Variants in TUBAL3 observed in about 807,000 individuals in gnomAD.
TUBAL3 encodes the protein tubulin alpha chain-like 3.
A neutral mutation model predicts 15.5 loss-of-function variants in TUBAL3; 16 were observed. That is an observed-to-expected ratio of 1.04 (90% CI 0.70 to 1.57). TUBAL3 has a LOEUF of 1.57. Ranked by LOEUF, TUBAL3 falls within the 40% of genes most tolerant of loss-of-function variation. The pLI, the probability that TUBAL3 is intolerant of heterozygous loss-of-function variation, is 0.00. For missense variants in TUBAL3, 609 were observed against 576.2 expected (o/e 1.06, Z -0.58); for synonymous variants, 238 against 224.3 (o/e 1.06, Z -0.55).
chr10:5,403,854 T>TAAATTCAA (rs1400553758), intron 1 of TUBAL3, among the ~76,000 whole-genome samples: 1 of 152,232 alleles, frequency 6.6e-6, no homozygotes, highest in African/African-American at 2.4e-5. Flanking sequence ...TAAACGCTGC[T>TAAATTCAA]ATAAGGATTA....
chr10:5,395,182 C>A lies in TUBAL3; in HGVS notation c.396+145G>T. ...GGAAATCAAAGCCAAGATGAGAACC[C>A]CTCCCCAGTTCTGAGCACCCAGACC... On this transcript the variant is annotated intron_variant, in intron 3 of 3. Transcript: ENST00000380419. This position sits in a 1 kb window ranked among gnomAD's most constrained non-coding sequence, Gnocchi z 4.6. 1 of 827,416 alleles carries A rather than the reference C, an allele frequency of 1.2e-6. No homozygotes were observed. 51.3% of individuals were successfully genotyped at this position (827,416 alleles called of 1,614,324 possible).
rs1554814581 is a variant in TUBAL3, at chr10:5,400,933, T to C, written c.158A>G (p.Asn53Ser). Residue 53 changes from asparagine (N) to serine (S), a missense_variant, in exon 2 of 4, where the codon AAT becomes AGT. Physicochemically the swap from Asn to Ser is conservative, Grantham distance 46. Transcript: ENST00000380419. The part of the protein sequence containing the change: ...QLENAKMEHT[N>S]ASFDTFFCET... ...ACAGAAGAAGGTATCGAAAGATGCA[T>C]TTGTGTGCTCCATTTTTGCATTTTC... is the stretch of plus-strand genomic sequence containing the variant. 1 of 1,614,232 alleles carries C rather than the reference T, an allele frequency of 6.2e-7. No individual in the cohort carries two copies. The highest frequency in any genetic ancestry group is 8.5e-7 in the Non-Finnish European group (1 of 1,180,040).
rs564519617 is a variant in TUBAL3, at chr10:5,395,269, C to T, written c.396+58G>A. The stretch of plus-strand genomic sequence containing the variant: ...AGCAGATAATGCTTGTGAGTTCTGC[C>T]GCAGGACCCCACATGCCCCAGGCAC... On this transcript the variant is annotated intron_variant, in intron 3 of 3. Coordinates refer to ENST00000380419, the MANE Select transcript of TUBAL3 (RefSeq NM_024803.3). This position sits in a 1 kb window ranked among gnomAD's most constrained non-coding sequence, Gnocchi z 4.6. 10 of 1,401,772 alleles carry T rather than the reference C, an allele frequency of 7.1e-6. No homozygotes were observed. The highest frequency in any genetic ancestry group is 5.9e-5 in the African/African-American group (4 of 67,622). 86.8% of individuals were successfully genotyped at this position (1,401,772 alleles called of 1,614,324 possible). A position where few individuals can be genotyped will look rare whatever the true frequency, so the allele number is the denominator to read the frequency against.
At position 5,393,537 on chromosome 10, in the gene TUBAL3, C is replaced by G; in HGVS notation, c.1321G>C (p.Glu441Gln). 1 of 1,606,904 alleles carries G rather than the reference C, an allele frequency of 6.2e-7. No homozygotes were observed. The highest frequency in any genetic ancestry group is 2.2e-5 in the East Asian group (1 of 44,784). Residue 441 changes from glutamate (E) to glutamine (Q), a missense_variant, in exon 4 of 4, where the codon GAA becomes CAA. Coordinates refer to ENST00000380419, the MANE Select transcript of TUBAL3 (RefSeq NM_024803.3). ...ATGCCTCAGAAACTTTGCGCCACTTCCTCATAGTCCCTCTCCAGGGCTGCC... is the reference window on the plus strand; with the variant it reads ...ATGCCTCAGAAACTTTGCGCCACTTGCTCATAGTCCCTCTCCAGGGCTGCC... The part of the protein sequence containing the change: ...DLAALERDYE[E>Q]VAQSF
In TUBAL3 at chr10:5,393,883, G is replaced by A. The variant is rs577160496; in HGVS notation, c.975C>T (p.Leu325=). The A allele has an allele frequency of 5.6e-6, 9 of 1,614,224 alleles. No individual in the cohort carries two copies. The Admixed American group carries it at 1.2e-4, about 21-fold the overall frequency. Residue 325 remains leucine (L), a synonymous_variant, in exon 4 of 4, where the codon CTC becomes CTT. Coordinates refer to ENST00000380419, the MANE Select transcript of TUBAL3 (RefSeq NM_024803.3). ...CCTTGGGGACCACATCCCCTCTATAGAGTAGGCAGCAGGCCATGTACTTCC... is the reference window on the plus strand; with the variant it reads ...CCTTGGGGACCACATCCCCTCTATAAAGTAGGCAGCAGGCCATGTACTTCC... The part of the protein sequence containing the change: ...RLGKYMACCL[L]YRGDVVPKEV...
Position 5,396,138 on chromosome 10 carries a change from C to A in TUBAL3, c.248-663G>T, listed in dbSNP as rs1414601638. ...GGGGGGACACACTTCAACCCACTGC[C>A]CACCCTAGGACACATTGGCATTTTG... On this transcript the variant is annotated intron_variant, in intron 2 of 3. Coordinates refer to ENST00000380419, the MANE Select transcript of TUBAL3 (RefSeq NM_024803.3). This position sits in a 1 kb window ranked among gnomAD's most constrained non-coding sequence, Gnocchi z 5.1. Among the ~76,000 whole-genome samples, 3 of 152,138 alleles carry A rather than the reference C, an allele frequency of 2.0e-5. No homozygotes were observed. Among genetic ancestry groups the A allele is most frequent in the African/African-American group, 7.2e-5 (3 of 41,420 alleles).
Position 5,393,448 on chromosome 10 carries a change from G to T in TUBAL3, c.*69C>A. ...GCTCATCAGGGGAACTACCCACTAG[G>T]CATATAACGGCTTGAAAAGAAAACA... is the stretch of plus-strand genomic sequence containing the variant. On this transcript the variant is annotated 3_prime_UTR_variant, in exon 4 of 4. Coordinates refer to ENST00000380419, the MANE Select transcript of TUBAL3 (RefSeq NM_024803.3). 1 of 1,376,738 alleles carries T rather than the reference G, an allele frequency of 7.3e-7. No individual in the cohort carries two copies. The highest frequency in any genetic ancestry group is 9.9e-7 in the Non-Finnish European group (1 of 1,008,164). The allele number at this position is 1,376,738 out of a possible 1,614,324, so 85.3% of individuals were successfully genotyped here. A position where few individuals can be genotyped will look rare whatever the true frequency, so the allele number is the denominator to read the frequency against.
In TUBAL3 at chr10:5,395,438, G is replaced by A. The variant is rs1402506021; in HGVS notation, c.285C>T (p.His95=). Residue 95 remains histidine (H), a synonymous_variant, in exon 3 of 4, where the codon CAC becomes CAT. Coordinates refer to ENST00000380419, the MANE Select transcript of TUBAL3 (RefSeq NM_024803.3). This position sits in a 1 kb window ranked among gnomAD's most constrained non-coding sequence, Gnocchi z 4.6. ...CCTTTCCGCTAAGGAGCTGCTCGGG[G>A]TGGAAGAGTGAACGGTGCTGGCCCG... is the stretch of plus-strand genomic sequence containing the variant. ...IRTGQHRSLF[H]PEQLLSGKED... The A allele has an allele frequency of 8.1e-6, 13 of 1,600,144 alleles. No homozygotes were observed. The highest frequency in any genetic ancestry group is 1.0e-5 in the Non-Finnish European group (12 of 1,171,516).
At chr10:5,403,237 C>A (rs141585044) in intron 1 of TUBAL3, among the ~76,000 whole-genome samples, 39 of 152,336 alleles carry the variant, frequency 2.6e-4, no homozygotes, top group African/African-American at 8.2e-4. Flanking sequence ...TACCCCTTAT[C>A]AGGCTTCAGA....
chr10:5,403,818 A>G (rs1203913315), intron 1 of TUBAL3, among the ~76,000 whole-genome samples: 3 of 152,214 alleles, frequency 2.0e-5, no homozygotes, highest in Non-Finnish European at 4.4e-5. Context: ...ACTGAACGTC[A>G]ACACTGATAA....
Position 5,393,751 on chromosome 10 carries a change from C to T in TUBAL3, c.1107G>A (p.Val369=). ...CTTTGGCCAGGTCCCCACCCGGCAT[C>T]ACCGTGGGCGGCCGATTGTTGATGC... ...KVGINNRPPT[V]MPGGDLAKVH... is the part of the protein sequence containing the mutation. The change falls in exon 4 of 4, where the codon GTG becomes GTA. Residue 369 remains valine (V), a synonymous_variant. Coordinates refer to ENST00000380419, the MANE Select transcript of TUBAL3 (RefSeq NM_024803.3). 5 of 1,614,250 alleles carry T rather than the reference C, an allele frequency of 3.1e-6. No homozygotes were observed. The highest frequency in any genetic ancestry group is 4.2e-6 in the Non-Finnish European group (5 of 1,180,040).
In TUBAL3 at chr10:5,400,988, C is replaced by T. The variant is rs147611249; in HGVS notation, c.103G>A (p.Val35Ile). The T allele has an allele frequency of 4.2e-4, 672 of 1,614,190 alleles. No individual in the cohort carries two copies. The highest frequency in any genetic ancestry group is 1.2e-3 in the African/African-American group (89 of 75,040). ...TGATCCTGTTGAGTGTCAAGAACAACGCCATTTGGCTGGATTCCATGTTCC... is the reference window on the plus strand; with the variant it reads ...TGATCCTGTTGAGTGTCAAGAACAATGCCATTTGGCTGGATTCCATGTTCC... ...CLEHGIQPNG[V>I]VLDTQQDQLE... Residue 35 changes from valine (V) to isoleucine (I), a missense_variant, in exon 2 of 4, where the codon GTT becomes ATT. Physicochemically the swap from Val to Ile is conservative, Grantham distance 29 (BLOSUM62 3). Coordinates refer to ENST00000380419, the MANE Select transcript of TUBAL3 (RefSeq NM_024803.3).
rs1554814599 is a variant in TUBAL3, at chr10:5,400,992, A to G, written c.99T>C (p.Asn33=). 1.2e-6 allele frequency: 2 copies of G among 1,614,100 alleles called. No homozygotes were observed. The highest frequency in any genetic ancestry group is 1.3e-5 in the African/African-American group (1 of 74,938). The change falls in exon 2 of 4, where the codon AAT becomes AAC. Residue 33 remains asparagine, a synonymous_variant. Transcript: ENST00000380419. ...CCTGTTGAGTGTCAAGAACAACGCC[A>G]TTTGGCTGGATTCCATGTTCCAGGC... ...LYCLEHGIQP[N]GVVLDTQQDQ... is the part of the protein sequence containing the mutation.
chr10:5,401,451 T>A (rs1831850386), intron 1 of TUBAL3, among the ~76,000 whole-genome samples: 1 of 152,194 alleles, frequency 6.6e-6, no homozygotes, highest in Non-Finnish European at 1.5e-5. Context: ...TGTGTGTGTG[T>A]GTGCGTGTAG....
In TUBAL3 at chr10:5,397,532, T is replaced by C. The variant is rs1348796445; in HGVS notation, c.248-2057A>G. On this transcript the variant is annotated intron_variant, in intron 2 of 3. Coordinates refer to ENST00000380419, the MANE Select transcript of TUBAL3 (RefSeq NM_024803.3). This position sits in a 1 kb window ranked among gnomAD's most constrained non-coding sequence, Gnocchi z 4.9. The stretch of plus-strand genomic sequence containing the variant: ...TCAATAGGTTCATAATTTATTTCCA[T>C]AAAATCCATTATCTCAGGGCATAGT... Among the ~76,000 whole-genome samples the C allele has an allele frequency of 6.6e-6, 1 of 152,162 alleles. No individual in the cohort carries two copies.
chr10:5,404,728 A>T, intron 1 of TUBAL3, 62 bp downstream of exon 1: 2 of 1,568,950 alleles, frequency 1.3e-6, no homozygotes, highest in East Asian at 4.5e-5. Flanking sequence ...TTGCTGTGGG[A>T]AAAGGGCCAA....
Position 5,393,529 on chromosome 10 carries a change from C to G in TUBAL3, c.1329G>C (p.Ala443=). 1 of 1,601,976 alleles carries G rather than the reference C, an allele frequency of 6.2e-7. No individual in the cohort carries two copies. The highest frequency in any genetic ancestry group is 8.5e-7 in the Non-Finnish European group (1 of 1,174,416). Residue 443 remains alanine (A), a synonymous_variant, in exon 4 of 4, where the codon GCG becomes GCC. Coordinates refer to ENST00000380419, the MANE Select transcript of TUBAL3 (RefSeq NM_024803.3). ...CATCATACATGCCTCAGAAACTTTG[C>G]GCCACTTCCTCATAGTCCCTCTCCA... ...AALERDYEEV[A]QSF is the part of the protein sequence containing the mutation.
chr10:5,403,657 C>T (rs532770321), intron 1 of TUBAL3, among the ~76,000 whole-genome samples: 6 of 152,278 alleles, frequency 3.9e-5, no homozygotes, highest in South Asian at 4.2e-4. Flanking sequence ...AAGCATCCTT[C>T]GTCTTTGAAG....
At position 5,394,058 on chromosome 10, in the gene TUBAL3, A is replaced by G. The variant is rs782724522; in HGVS notation, c.800T>C (p.Val267Ala). ...GGGGAAATGTATTCTCGGATAAGGT[A>G]CCAGGTTGGTCTGGAATTCAATTAG... ...VDLIEFQTNL[V>A]PYPRIHFPMT... The change falls in exon 4 of 4, where the codon GTA becomes GCA. Residue 267 changes from valine to alanine, a missense_variant. Transcript: ENST00000380419. This position sits in a 1 kb window ranked among gnomAD's most constrained non-coding sequence, Gnocchi z 4.3. 1.6e-5 allele frequency: 26 copies of G among 1,614,094 alleles called. No individual in the cohort carries two copies. In the Admixed American group the frequency reaches 3.8e-4, roughly 24 times the overall value.
Sources: gnomAD v4.1 joint callset for allele counts (sites outside exome capture counted in the v4.1 genomes callset) on GRCh38, gnomAD v4.1.1 for gene constraint, Gnocchi (gnomAD v3.1) non-coding constraint, MANE v1.5 for transcripts, NCBI Gene and HGNC (gene_info 2026-07-23, HGNC 2026-07-21) for gene names.